The following MTREX variants were observed in gnomAD, a reference collection of about 807,000 sequenced individuals.
The protein encoded by MTREX is Mtr4 exosome RNA helicase, also known as exosome RNA helicase MTR4.
A neutral mutation model predicts 135.4 loss-of-function variants in MTREX; 76 were observed. The ratio of observed to expected loss-of-function variants is 0.56; its 90% CI spans 0.47 to 0.68. MTREX has a LOEUF of 0.68. Ranked by LOEUF, MTREX falls within the 30% of genes least tolerant of loss-of-function variation. MTREX has a pLI of 0.00. For synonymous variants in MTREX, 404 were observed against 401.6 expected, an observed-to-expected ratio of 1.01 and a Z score of -0.07; for missense variants, 920 against 1,262.1, an observed-to-expected ratio of 0.73 and a Z score of 4.11.
chr5:55,373,882 C>T (rs1750247213), intron 16 of MTREX, among the ~76,000 whole-genome samples: 1 of 152,048 alleles, frequency 6.6e-6, no homozygotes, highest in African/African-American at 2.4e-5. Context: ...AGCTGGCATC[C>T]ACTGCTTGGT....
At chr5:55,345,426 A>AT (rs1336018568) in intron 10 of MTREX, among the ~76,000 whole-genome samples, 54 of 152,164 alleles carry the variant, frequency 3.5e-4, no homozygotes, top group Admixed American at 3.5e-3. Context: ...TATTTACAGA[A>AT]TTGTGCAGCC....
At position 55,340,021 on chromosome 5, in the gene MTREX, C is replaced by T; in HGVS notation, c.527C>T (p.Ala176Val). 6.5e-7 allele frequency: 1 copy of T among 1,535,220 alleles called. No individual in the cohort carries two copies. The highest frequency in any genetic ancestry group is 1.4e-5 in the African/African-American group (1 of 71,494). ...GKTVCAEYAI[A>V]LALREKQRVI... Reference sequence around the variant, plus strand: ...TTTCACATTTGTAGGTATGCCATTGCATTGGCCTTAAGGGAAAAGCAGCGT... The same window carrying T: ...TTTCACATTTGTAGGTATGCCATTGTATTGGCCTTAAGGGAAAAGCAGCGT... Residue 176 changes from alanine (A) to valine (V), a missense_variant, in exon 6 of 27, where the codon GCA becomes GTA. Around this residue, in one of 6 missense-constraint regions of MTREX, gnomAD observed 82 missense variants for 107.4 expected, o/e 0.76. Transcript: ENST00000230640.
At chr5:55,387,949 G>C (rs1375210381) in intron 18 of MTREX, 25 bp from the exon 19 acceptor site, 11 of 1,554,718 alleles carry the variant, frequency 7.1e-6, no homozygotes, top group Non-Finnish European at 9.6e-6. Flanking sequence ...AAGAATGAAT[G>C]AACATCTTCT....
Position 55,358,477 on chromosome 5 carries a change from A to G in MTREX, c.1534-96A>G, listed in dbSNP as rs1290911609. On this transcript the variant is annotated intron_variant, in intron 14 of 26. Coordinates refer to ENST00000230640, the MANE Select transcript of MTREX (RefSeq NM_015360.5). ...AATCATGTTTCCTTTCTTAGGGTTT[A>G]TAACTTGTTATAAATTTTATAAAAA... 5.6e-5 allele frequency: 59 copies of G among 1,061,892 alleles called. 1 individual carries two copies. The East Asian group carries it at 1.6e-3, about 29-fold the overall frequency. The allele number at this position is 1,061,892 out of a possible 1,614,324, so 65.8% of individuals were successfully genotyped here. A position where few individuals can be genotyped will look rare whatever the true frequency, so the allele number is the denominator to read the frequency against.
At chr5:55,345,451 G>C (rs757811423) in intron 10 of MTREX, among the ~76,000 whole-genome samples, 1 of 152,034 alleles carries the variant, frequency 6.6e-6, no homozygotes, top group Non-Finnish European at 1.5e-5. Context: ...CCACTGTCTA[G>C]TTCCAAAATA....
chr5:55,422,189 CTT>C (rs1420768800), intron 25 of MTREX, among the ~76,000 whole-genome samples: 1 of 152,162 alleles, frequency 6.6e-6, no homozygotes, highest in African/African-American at 2.4e-5. Flanking sequence ...CTCTGCTCCT[CTT>C]TGCACAAGTC....
chr5:55,416,197 T>C (rs1310005567), intron 25 of MTREX, 65 bp downstream of exon 25: 1 of 1,006,400 alleles, frequency 9.9e-7, no homozygotes, highest in African/African-American at 1.7e-5. Flanking sequence ...GGTATTGTTT[T>C]AATTAAACAA....
rs1561202794 is a variant in MTREX at position 55,379,053 on chromosome 5, G to A, written c.1984-74G>A. On this transcript the variant is annotated intron_variant, in intron 17 of 26. Transcript: ENST00000230640. Reference sequence around the variant, plus strand: ...TCAGAAAGCTTTATTAGTCTAGAATGTAGGTGTGAAAGGCTGAAATTGCCT... The same window carrying A: ...TCAGAAAGCTTTATTAGTCTAGAATATAGGTGTGAAAGGCTGAAATTGCCT... 3 of 926,168 alleles carry A rather than the reference G, an allele frequency of 3.2e-6. No homozygotes were observed. In the South Asian group the frequency reaches 4.0e-5, roughly 12 times the overall value. 57.4% of individuals were successfully genotyped at this position (926,168 alleles called of 1,614,324 possible). A position where few individuals can be genotyped will look rare whatever the true frequency, so the allele number is the denominator to read the frequency against.
intron 18 of MTREX, among the ~76,000 whole-genome samples, chr5:55,386,965 A>G (rs1750490358): frequency 6.6e-6 from 1 of 152,092 alleles, no homozygotes; most frequent in African/African-American, 2.4e-5. Context: ...TTGTTTGTAA[A>G]ACTCATTTCA....
chr5:55,379,252 A>G (rs2112099879), intron 18 of MTREX, 57 bp downstream of exon 18: 8 of 1,030,572 alleles, frequency 7.8e-6, no homozygotes, highest in Non-Finnish European at 1.2e-5. Context: ...AATGTTTTTT[A>G]AGGCTTATGA....
intron 14 of MTREX, among the ~76,000 whole-genome samples, chr5:55,358,080 T>G (rs536622029): frequency 6.6e-6 from 1 of 152,334 alleles, no homozygotes; most frequent in Admixed American, 6.5e-5. Context: ...CTCATGCCTG[T>G]AATCCCAGCA....
At chr5:55,332,272 G>T (rs1002235875) in intron 5 of MTREX, among the ~76,000 whole-genome samples, 10 of 150,524 alleles carry the variant, frequency 6.6e-5, no homozygotes, top group Non-Finnish European at 1.5e-4. Context: ...GCAATCTGTT[G>T]TAGATTGACT....
intron 15 of MTREX, among the ~76,000 whole-genome samples, chr5:55,360,495 T>C (rs1749990341): frequency 6.6e-6 from 1 of 151,918 alleles, no homozygotes; most frequent in African/African-American, 2.4e-5. Context: ...GGTCATAGAG[T>C]AAATCTATGT....
chr5:55,371,626 A>G (rs1370006599), intron 16 of MTREX, among the ~76,000 whole-genome samples: 3 of 152,196 alleles, frequency 2.0e-5, no homozygotes, highest in Admixed American at 1.3e-4. Context: ...AAGAGGTACT[A>G]TCCTTAAATT....
intron 18 of MTREX, among the ~76,000 whole-genome samples, chr5:55,382,139 C>G (rs1327791112): frequency 1.3e-5 from 2 of 151,774 alleles, no homozygotes; most frequent in African/African-American, 4.8e-5. Context: ...ATTGCTTAAT[C>G]TGTTCACATT....
At chr5:55,371,612 G>A (rs1353528903) in intron 16 of MTREX, among the ~76,000 whole-genome samples, 1 of 152,140 alleles carries the variant, frequency 6.6e-6, no homozygotes, top group Non-Finnish European at 1.5e-5. Context: ...TCTGATTGGG[G>A]TGGAAGAGGT....
chr5:55,366,946 G>T (rs577071790), intron 16 of MTREX, 71 bp downstream of exon 16: 3 of 1,260,704 alleles, frequency 2.4e-6, no homozygotes, highest in Non-Finnish European at 3.2e-6. Context: ...TGCATTATTG[G>T]CTGCTTTGGC....
intron 19 of MTREX, among the ~76,000 whole-genome samples, chr5:55,395,593 G>A (rs949637345): frequency 2.6e-5 from 4 of 152,056 alleles, no homozygotes; most frequent in African/African-American, 9.7e-5. Context: ...ATTGTAGAGA[G>A]TAAAATAGTA....
intron 6 of MTREX, among the ~76,000 whole-genome samples, chr5:55,341,387 G>A (rs754494021): frequency 2.6e-5 from 4 of 152,176 alleles, no homozygotes; most frequent in Non-Finnish European, 5.9e-5. Flanking sequence ...CATATGGAGA[G>A]TAGGGGTGAT....
Sources: gnomAD v4.1 joint callset for allele counts (sites outside exome capture counted in the v4.1 genomes callset) on GRCh38, gnomAD v4.1.1 for gene constraint, gnomAD v4.1.1 regional missense constraint, MANE v1.5 for transcripts, NCBI Gene and HGNC (gene_info 2026-07-23, HGNC 2026-07-21) for gene names.